Variants in LAMA4 observed in about 807,000 individuals in gnomAD.
The protein encoded by LAMA4 is laminin subunit alpha-4.
In LAMA4, 127 loss-of-function variants were observed where a neutral mutation model predicts 207.1. That is an observed-to-expected ratio of 0.61 (90% confidence interval 0.53 to 0.71). The LOEUF is 0.71. Ranked by LOEUF, LAMA4 falls within the 30% of genes least tolerant of loss-of-function variation. The pLI, the probability that LAMA4 is intolerant of heterozygous loss-of-function variation, is 0.00. For missense variants in LAMA4, 2,093 were observed against 2,246.5 expected (o/e 0.93, Z 1.38); for synonymous variants, 761 against 816.0 (o/e 0.93, Z 1.15).
intron 2 of LAMA4, among the ~76,000 whole-genome samples, chr6:112,221,010 C>A (rs1279717029): frequency 6.6e-6 from 1 of 152,072 alleles, no homozygotes; most frequent in African/African-American, 2.4e-5. Flanking sequence ...TGTTGAGAAG[C>A]CTGATTTATT....
At chr6:112,171,087 CAG>C (rs1408859304) in intron 12 of LAMA4, among the ~76,000 whole-genome samples, 1 of 152,138 alleles carries the variant, frequency 6.6e-6, no homozygotes, top group Non-Finnish European at 1.5e-5. Context: ...CAGAGGTTAA[CAG>C]AGAATTGTAC....
Position 112,191,631 on chromosome 6 carries a change from T to A in LAMA4, c.718+5A>T. 1 of 1,607,816 alleles carries A rather than the reference T, an allele frequency of 6.2e-7. No homozygotes were observed. The highest frequency in any genetic ancestry group is 8.5e-7 in the Non-Finnish European group (1 of 1,174,408). On this transcript the variant is annotated splice_donor_5th_base_variant and intron_variant, in intron 6 of 38. Coordinates refer to ENST00000230538, the MANE Select transcript of LAMA4 (RefSeq NM_001105206.3). ...GCAGCTGGCTTAGTATTTATGATAC[T>A]GCACCTGCACAGTTCTTGGCTATCC...
At chr6:112,139,350 G>T in intron 23 of LAMA4, 59 bp from the exon 24 acceptor site, 3 of 1,578,512 alleles carry the variant, frequency 1.9e-6, no homozygotes, top group Non-Finnish European at 2.6e-6. Flanking sequence ...CTTTTCAAGT[G>T]AAGCCCTTTT....
chr6:112,250,295 A>G lies in LAMA4; in HGVS notation c.195+3661T>C, dbSNP rs555745111. On this transcript the variant is annotated intron_variant, in intron 2 of 38. Coordinates refer to ENST00000230538, the MANE Select transcript of LAMA4 (RefSeq NM_001105206.3). The stretch of plus-strand genomic sequence containing the variant: ...AAGAGATCTAAAATGTTTTTATTAA[A>G]CATTCTGCAATCTTTTAATGGCAGG... Among the ~76,000 whole-genome samples the G allele has an allele frequency of 2.0e-5, 3 of 152,326 alleles. No individual in the cohort carries two copies. In the East Asian group the frequency reaches 5.8e-4, roughly 29 times the overall value.
rs782132702 is a variant in LAMA4, at chr6:112,133,501, T to A, written c.3558-14A>T. 1 of 1,613,422 alleles carries A rather than the reference T, an allele frequency of 6.2e-7. No individual in the cohort carries two copies. The highest frequency in any genetic ancestry group is 2.2e-5 in the East Asian group (1 of 44,874). ...GCTCTGAGGGCCCTGGAAAAGAAAGTCAGCCTCACTGATACAGCCATGATG... is the reference window on the plus strand; with the variant it reads ...GCTCTGAGGGCCCTGGAAAAGAAAGACAGCCTCACTGATACAGCCATGATG... On this transcript the variant is annotated splice_polypyrimidine_tract_variant and intron_variant, in intron 26 of 38. Transcript: ENST00000230538.
Position 112,108,945 on chromosome 6 carries a change from G to T in LAMA4, c.*492C>A. ...CTAAAATATTCTTCTTATACTGATA[G>T]ACCAAACAAAAGGGCTAAAAACAAA... On this transcript the variant is annotated 3_prime_UTR_variant, in exon 39 of 39. Coordinates refer to ENST00000230538, the MANE Select transcript of LAMA4 (RefSeq NM_001105206.3). The T allele has an allele frequency of 5.9e-6, 1 of 169,162 alleles. No homozygotes were observed. Among genetic ancestry groups the T allele is most frequent in the East Asian group, 1.6e-4 (1 of 6,184 alleles). The allele number at this position is 169,162 out of a possible 1,614,324, so 10.5% of individuals were successfully genotyped here.
In LAMA4 at chr6:112,139,224, C is replaced by T. The variant is rs1554332378; in HGVS notation, c.3178G>A (p.Val1060Met). 6.2e-7 allele frequency: 1 copy of T among 1,614,170 alleles called. No homozygotes were observed. The highest frequency in any genetic ancestry group is 8.5e-7 in the Non-Finnish European group (1 of 1,180,002). ...YFFDGSGYAV[V>M]RDITRRGKFG... is the part of the protein sequence containing the mutation. ...TTCCCTCTCCTTGTGATGTCTCTCA[C>T]CACGGCATAACCGGAGCCATCGAAG... Residue 1060 changes from valine to methionine, a missense_variant, in exon 24 of 39, where the codon GTG becomes ATG. Val to Met is a conservative substitution (Grantham distance 21). This residue lies in a region of LAMA4 where 1,704 missense variants were observed against 1,788.4 expected (regional missense o/e 0.95). Coordinates refer to ENST00000230538, the MANE Select transcript of LAMA4 (RefSeq NM_001105206.3).
chr6:112,236,718 T>G (rs1554366180), intron 2 of LAMA4: 1 of 152,252 alleles, frequency 6.6e-6, no homozygotes, highest in Non-Finnish European at 1.5e-5. Context: ...CTTAGGTTGC[T>G]GCTTTTTTAA....
intron 23 of LAMA4, 26 bp downstream of exon 23, chr6:112,139,726 C>A (rs781938479): frequency 1.9e-6 from 3 of 1,612,224 alleles, no homozygotes; most frequent in Non-Finnish European, 2.5e-6. Flanking sequence ...ATATCCAAGT[C>A]TTTAGTACTC....
Position 112,108,709 on chromosome 6 carries a change from T to A in LAMA4, c.*728A>T, listed in dbSNP as rs7758910. ...ACTGTTTTTGCTGTGATATCCTCAA[T>A]GATTCCCATAGAACACACAATAATG... On this transcript the variant is annotated 3_prime_UTR_variant, in exon 39 of 39. Coordinates refer to ENST00000230538, the MANE Select transcript of LAMA4 (RefSeq NM_001105206.3). 37,801 of 152,132 alleles carry A rather than the reference T, an allele frequency of 0.25. 4,720 individuals are homozygous for A. Among genetic ancestry groups the A allele is most frequent in the East Asian group, 0.32 (1,680 of 5,182 alleles). 9.4% of individuals were successfully genotyped at this position (152,132 alleles called of 1,614,324 possible).
rs369585480 is a variant in LAMA4, at chr6:112,241,152, T to TATATATATGAATATATATGA, written c.195+12784_195+12803dup. 1.0e-4 allele frequency among the ~76,000 whole-genome samples: 10 copies of TATATATATGAATATATATGA among 98,486 alleles called. 1 individual carries two copies. The highest frequency in any genetic ancestry group is 4.8e-4 in the African/African-American group (10 of 20,992). The allele number at this position is 98,486 out of a possible 152,430, so 64.6% of individuals were successfully genotyped here. The stretch of plus-strand genomic sequence containing the variant: ...GAATATATAGGAATATATATATGAA[T>TATATATATGAATATATATGA]ATATATATGAATATATATGAATATA... On this transcript the variant is annotated intron_variant, in intron 2 of 38. Coordinates refer to ENST00000230538, the MANE Select transcript of LAMA4 (RefSeq NM_001105206.3).
chr6:112,217,715 A>T (rs1554359191), intron 2 of LAMA4: 2 of 152,256 alleles, frequency 1.3e-5, no homozygotes, highest in African/African-American at 4.8e-5. Context: ...TGTCTATGAA[A>T]AAAAGGCAAG....
intron 8 of LAMA4, 24 bp from the exon 9 acceptor site, chr6:112,185,371 A>G (rs1782624824): frequency 1.5e-6 from 2 of 1,361,324 alleles, no homozygotes; most frequent in Non-Finnish European, 1.1e-6. Context: ...TGTTTTGAGA[A>G]TAGTCAATGG....
At chr6:112,156,198 A>G (rs1324024068) in intron 14 of LAMA4, among the ~76,000 whole-genome samples, 2 of 151,964 alleles carry the variant, frequency 1.3e-5, no homozygotes, top group African/African-American at 4.8e-5. Context: ...AGACAGCCCC[A>G]GCCCTTCCTC....
At chr6:112,238,229 T>G (rs1786076381) in intron 2 of LAMA4, among the ~76,000 whole-genome samples, 1 of 152,178 alleles carries the variant, frequency 6.6e-6, no homozygotes, top group Non-Finnish European at 1.5e-5. Context: ...ATTATTAGTG[T>G]GCTTGTTTCG....
Position 112,117,373 on chromosome 6 carries a change from A to G in LAMA4, c.4981+366T>C, listed in dbSNP as rs587652745. Among the ~76,000 whole-genome samples the G allele has an allele frequency of 6.6e-6, 1 of 152,250 alleles. No homozygotes were observed. The highest frequency in any genetic ancestry group is 1.9e-4 in the East Asian group (1 of 5,170). On this transcript the variant is annotated intron_variant, in intron 35 of 38. Transcript: ENST00000230538. This position sits in a 1 kb window ranked among gnomAD's most constrained non-coding sequence, Gnocchi z 4.5. ...TTGCAAGTCATGGGGAGAAAGTGGG[A>G]CTTCCTTTAGTAGGACAATGGTTCA...
chr6:112,159,092 T>A, intron 13 of LAMA4: 1 of 547,152 alleles, frequency 1.8e-6, no homozygotes, highest in Non-Finnish European at 3.2e-6. Flanking sequence ...TAGCTAGCAT[T>A]CACAACCCAG....
At chr6:112,125,444 G>A (rs1380612473) in intron 31 of LAMA4, among the ~76,000 whole-genome samples, 2 of 152,126 alleles carry the variant, frequency 1.3e-5, no homozygotes, top group African/African-American at 2.4e-5. Context: ...CCACTAGCTC[G>A]GAAATCAGTT....
intron 12 of LAMA4, 51 bp downstream of exon 12, chr6:112,172,560 A>T (rs1781778025): frequency 1.9e-6 from 3 of 1,548,892 alleles, no homozygotes. Context: ...TTCTTGGTGT[A>T]CCATCACACT....
Sources: allele counts gnomAD v4.1 joint callset (sites outside exome capture counted in the v4.1 genomes callset), GRCh38; gene constraint gnomAD v4.1.1; regional missense constraint gnomAD v4.1.1; non-coding constraint Gnocchi (gnomAD v3.1); transcripts MANE v1.5; gene names NCBI Gene and HGNC (gene_info 2026-07-23, HGNC 2026-07-21).